NUP188: variants seen among roughly 807,000 people sequenced by gnomAD.
NUP188 encodes the protein nucleoporin NUP188.
NUP188 carries 97 observed loss-of-function variants against 223.0 expected under a neutral mutation model. The observed-to-expected ratio is 0.43, with a 90% CI of 0.37 to 0.51. The LOEUF (loss-of-function observed/expected upper bound fraction) is 0.51, where lower values mean the gene tolerates loss of function less well. Ranked by LOEUF, NUP188 falls within the 20% of genes least tolerant of loss-of-function variation. NUP188 has a pLI of 0.00. For missense variants in NUP188, 1,947 were observed against 2,175.6 expected, an observed-to-expected ratio of 0.89 and a Z score of 2.09; for synonymous variants, 869 against 828.0, an observed-to-expected ratio of 1.05 and a Z score of -0.85.
At chr9:129,005,802 CCT>C (rs1842782240) in intron 41 of NUP188, 26 bp downstream of exon 41, 1 of 1,567,004 alleles carries the variant, frequency 6.4e-7, no homozygotes, top group African/African-American at 1.4e-5. Context: ...CAGACACTGT[CCT>C]CTCCCCCCGG....
chr9:128,948,730 TTTTTTTTTTTTTTG>T (rs1841730019), intron 1 of NUP188: 1 of 137,156 alleles, frequency 7.3e-6, no homozygotes, highest in African/African-American at 2.8e-5. Flanking sequence ...TTTTTTTTTT[TTTTTTTTTTTTTTG>T]AGACGGAGTC....
At chr9:128,995,596 G>A (rs1003399397) in intron 30 of NUP188, 82 bp downstream of exon 30, 1 of 1,201,696 alleles carries the variant, frequency 8.3e-7, no homozygotes, top group East Asian at 2.3e-5. Context: ...ACAGCTCCTT[G>A]TGCGGAAGAA....
chr9:128,968,791 TA>T (rs1393457476), intron 9 of NUP188, 74 bp downstream of exon 9: 5 of 1,141,404 alleles, frequency 4.4e-6, no homozygotes, highest in Non-Finnish European at 6.5e-6. Context: ...TGTAAGCAGG[TA>T]GGGGGTAGGT....
intron 8 of NUP188, among the ~76,000 whole-genome samples, chr9:128,967,467 C>A (rs1332080992): frequency 6.6e-6 from 1 of 152,048 alleles, no homozygotes; most frequent in African/African-American, 2.4e-5. Context: ...CCAGCCCTGG[C>A]AACATAGCAA....
At chr9:128,990,785 C>T (rs904044628) in intron 25 of NUP188, among the ~76,000 whole-genome samples, 1 of 152,078 alleles carries the variant, frequency 6.6e-6, no homozygotes, top group Non-Finnish European at 1.5e-5. Flanking sequence ...GAATGGCATG[C>T]ACTAGGGAGG....
At chr9:128,974,415 AG>A (rs1265889642) in intron 12 of NUP188, among the ~76,000 whole-genome samples, 4 of 132,798 alleles carry the variant, frequency 3.0e-5, no homozygotes, top group Non-Finnish European at 6.2e-5. Flanking sequence ...TTTTTGAGAC[AG>A]GGTCTCACTG....
chr9:128,967,662 C>T (rs540382927), intron 8 of NUP188, among the ~76,000 whole-genome samples: 12 of 151,950 alleles, frequency 7.9e-5, no homozygotes, highest in South Asian at 6.2e-4. Flanking sequence ...TGGTGGCAGG[C>T]GCCTGTAATC....
At chr9:128,966,165 G>C (rs1842025784) in intron 8 of NUP188, among the ~76,000 whole-genome samples, 1 of 148,800 alleles carries the variant, frequency 6.7e-6, no homozygotes, top group South Asian at 2.1e-4. Flanking sequence ...GTGTGTGTGT[G>C]TGTGCGTGTG....
intron 34 of NUP188, among the ~76,000 whole-genome samples, chr9:129,000,741 C>CGA (rs752361904): frequency 1.3e-5 from 2 of 151,776 alleles, no homozygotes; most frequent in Non-Finnish European, 2.9e-5. Context: ...AGGATACAGT[C>CGA]TAAAAAGTCT....
At chr9:128,983,203 A>G in intron 17 of NUP188, 90 bp from the exon 18 acceptor site, 1 of 1,382,498 alleles carries the variant, frequency 7.2e-7, no homozygotes, top group Non-Finnish European at 1.0e-6. Context: ...CTGAGGGGAG[A>G]GACTGGGGAG....
chr9:129,005,980 C>G (rs1030314834), intron 41 of NUP188, 70 bp from the exon 42 acceptor site: 6 of 1,542,074 alleles, frequency 3.9e-6, no homozygotes, highest in Non-Finnish European at 5.4e-6. Flanking sequence ...GCAGGACATG[C>G]AAGTAGGAAG....
chr9:128,980,453 T>A (rs1842238894), intron 13 of NUP188, among the ~76,000 whole-genome samples, 153 bp from the exon 14 acceptor site: 1 of 152,138 alleles, frequency 6.6e-6, no homozygotes, highest in Non-Finnish European at 1.5e-5. Context: ...CCTTTTTCAG[T>A]GGAAATATGA....
chr9:128,986,597 T>C lies in NUP188; in HGVS notation c.2116T>C (p.Cys706Arg), dbSNP rs1360254538. 1 of 1,614,170 alleles carries C rather than the reference T, an allele frequency of 6.2e-7. No individual in the cohort carries two copies. The highest frequency in any genetic ancestry group is 8.5e-7 in the Non-Finnish European group (1 of 1,180,012). ...GSTQSQGLVP[C>R]VMFVLKEMLP... ...TACCCAGAGCCAAGGACTTGTACCC[T>C]GTGTAATGTTTGTGCTGAAGGAGAT... The change falls in exon 21 of 44, where the codon TGT (cysteine) becomes CGT (arginine). Residue 706 changes from cysteine (C) to arginine (R), a missense_variant. Physicochemically the swap from Cys to Arg is radical, Grantham distance 180. Around this residue, in one of 3 missense-constraint regions of NUP188, gnomAD observed 817 missense variants for 865.8 expected, o/e 0.94. Coordinates refer to ENST00000372577, the MANE Select transcript of NUP188 (RefSeq NM_015354.3).
chr9:128,982,514 C>G (rs770618387), intron 15 of NUP188, 35 bp from the exon 16 acceptor site: 2 of 1,565,568 alleles, frequency 1.3e-6, no homozygotes, highest in Non-Finnish European at 1.7e-6. Flanking sequence ...TTTATTTATC[C>G]TCAGATATTA....
intron 43 of NUP188, 65 bp from the exon 44 acceptor site, chr9:129,006,437 A>G (rs1842808008): frequency 6.2e-7 from 1 of 1,612,062 alleles, no homozygotes. Context: ...CTGCCTGGCA[A>G]CCCCCAAGGG....
Position 128,980,876 on chromosome 9 carries a change from T to G in NUP188, c.1389+151T>G, listed in dbSNP as rs549144138. On this transcript the variant is annotated intron_variant, in intron 14 of 43. Transcript: ENST00000372577. ...AAAGATACCAAAGATAGCACCTCAATTCTAAAAAATTAAATAATCTTTTCA... is the reference window on the plus strand; with the variant it reads ...AAAGATACCAAAGATAGCACCTCAAGTCTAAAAAATTAAATAATCTTTTCA... The G allele has an allele frequency of 6.8e-6, 5 of 735,182 alleles. No homozygotes were observed. The South Asian group carries it at 9.7e-5, about 14-fold the overall frequency. The allele number at this position is 735,182 out of a possible 1,614,324, so 45.5% of individuals were successfully genotyped here. A position where few individuals can be genotyped will look rare whatever the true frequency, so the allele number is the denominator to read the frequency against.
At chr9:128,973,804 C>T (rs555961054) in intron 12 of NUP188, among the ~76,000 whole-genome samples, 2 of 152,134 alleles carry the variant, frequency 1.3e-5, no homozygotes, top group South Asian at 2.1e-4. Flanking sequence ...TGATGTATTC[C>T]CTTCCATTTT....
chr9:128,983,335 T>C lies in NUP188; in HGVS notation c.1839T>C (p.Ser613=). Residue 613 remains serine (S), a synonymous_variant, in exon 18 of 44, where the codon TCT becomes TCC. Coordinates refer to ENST00000372577, the MANE Select transcript of NUP188 (RefSeq NM_015354.3). ...VISPPVDVIA[S]CVNCLTVLAA... is the part of the protein sequence containing the mutation. ...CCCCACCTGTGGATGTCATTGCTTC[T>C]TGTGTCAACTGCTTAACTGTTTTGG... The C allele has an allele frequency of 3.7e-6, 6 of 1,614,218 alleles. No individual in the cohort carries two copies. The South Asian group carries it at 5.5e-5, about 15-fold the overall frequency.
chr9:128,968,916 T>C (rs1588275367), intron 9 of NUP188, among the ~76,000 whole-genome samples, 199 bp downstream of exon 9: 1 of 152,212 alleles, frequency 6.6e-6, no homozygotes, highest in East Asian at 1.9e-4. Context: ...TAATCTGCTC[T>C]TTTACTTACT....
Sources: allele counts gnomAD v4.1 joint callset (sites outside exome capture counted in the v4.1 genomes callset), GRCh38; gene constraint gnomAD v4.1.1; regional missense constraint gnomAD v4.1.1; transcripts MANE v1.5; gene names NCBI Gene and HGNC (gene_info 2026-07-23, HGNC 2026-07-21).